The following NDUFA9 variants were observed in gnomAD, a reference collection of about 807,000 sequenced individuals.
The protein encoded by NDUFA9 is NADH dehydrogenase [ubiquinone] 1 alpha subcomplex subunit 9, mitochondrial.
NDUFA9 carries 23 observed loss-of-function variants against 45.9 expected under a neutral mutation model. The ratio of observed to expected loss-of-function variants is 0.50; its 90% CI spans 0.36 to 0.71. The LOEUF is 0.71. Among genes scored for constraint, NDUFA9 ranks in the 30% least tolerant of loss-of-function variants. The pLI is 0.00. For missense variants in NDUFA9, 466 were observed against 488.2 expected (o/e 0.95, Z 0.43); for synonymous variants, 176 against 170.5 (o/e 1.03, Z -0.25).
At chr12:4,685,915 A>T (rs1425389618) in intron 10 of NDUFA9, among the ~76,000 whole-genome samples, 1 of 152,188 alleles carries the variant, frequency 6.6e-6, no homozygotes, top group Non-Finnish European at 1.5e-5. Flanking sequence ...ACCTTGGAAG[A>T]CCTATGGACC....
At position 4,659,026 on chromosome 12, in the gene NDUFA9, TA is replaced by T. The variant is rs1440162591; in HGVS notation, c.411-9del. 1 of 1,609,520 alleles carries T rather than the reference TA, an allele frequency of 6.2e-7. No homozygotes were observed. The highest frequency in any genetic ancestry group is 1.1e-5 in the South Asian group (1 of 90,768). ...GTTCTTAACCAATCCTTTTATTTTT[TA>T]TCTTCCAGAAACTTTGATTTTGAGG... On this transcript the variant is annotated splice_polypyrimidine_tract_variant and intron_variant, in intron 4 of 10. Transcript: ENST00000266544.
chr12:4,668,675 A>G (rs1945867649), intron 7 of NDUFA9, 151 bp downstream of exon 7: 9 of 681,496 alleles, frequency 1.3e-5, no homozygotes, highest in South Asian at 3.6e-5. Context: ...CTTAAGAGGT[A>G]CATGCCTTCT....
intron 6 of NDUFA9, among the ~76,000 whole-genome samples, chr12:4,664,035 T>C (rs1270848776): frequency 6.6e-6 from 1 of 152,208 alleles, no homozygotes. Flanking sequence ...AGAAGATTTC[T>C]AAGTACAAAG....
At chr12:4,665,337 T>A (rs1945846877) in intron 6 of NDUFA9, among the ~76,000 whole-genome samples, 1 of 152,248 alleles carries the variant, frequency 6.6e-6, no homozygotes, top group African/African-American at 2.4e-5. Flanking sequence ...ATACAGTATT[T>A]GTCTTTTCGT....
chr12:4,653,876 A>T (rs1208124064), intron 1 of NDUFA9, among the ~76,000 whole-genome samples: 1 of 151,186 alleles, frequency 6.6e-6, no homozygotes, highest in Non-Finnish European at 1.5e-5. Context: ...TGTGTTCCTC[A>T]TGGGATTCTG....
chr12:4,680,945 A>C (rs1429083117), intron 8 of NDUFA9, among the ~76,000 whole-genome samples: 2 of 152,198 alleles, frequency 1.3e-5, no homozygotes, highest in African/African-American at 4.8e-5. Flanking sequence ...AATAGAGCGG[A>C]ACGTTCAGAA....
At chr12:4,659,567 T>C (rs915000543) in intron 5 of NDUFA9, among the ~76,000 whole-genome samples, 1 of 152,162 alleles carries the variant, frequency 6.6e-6, no homozygotes, top group African/African-American at 2.4e-5. Flanking sequence ...TTTGTGCCAC[T>C]CTTAAAGGGG....
At chr12:4,684,655 A>G (rs1382555545) in intron 9 of NDUFA9, among the ~76,000 whole-genome samples, 1 of 152,192 alleles carries the variant, frequency 6.6e-6, no homozygotes, top group African/African-American at 2.4e-5. Flanking sequence ...GAGGTAACTG[A>G]TGATGGGAGC....
At position 4,692,227 on chromosome 12, in the gene NDUFA9, C is replaced by T. The variant is rs7969935; in HGVS notation, c.*5119C>T. 29,879 of 151,976 alleles carry T rather than the reference C, an allele frequency of 0.2. 3,342 individuals carry two copies. The highest frequency in any genetic ancestry group is 0.45 in the East Asian group (2,338 of 5,164). The allele number at this position is 151,976 out of a possible 1,614,324, so 9.4% of individuals were successfully genotyped here. On this transcript the variant is annotated 3_prime_UTR_variant, in exon 11 of 11. Transcript: ENST00000266544. ...GTTGGAGTTGGGGCCTAGTGGGAGG[C>T]GATTAGATCATGGAGTAGATTTATC...
At chr12:4,652,818 GTTA>G (rs1565564167) in intron 1 of NDUFA9, among the ~76,000 whole-genome samples, 1 of 152,230 alleles carries the variant, frequency 6.6e-6, no homozygotes, top group Non-Finnish European at 1.5e-5. Flanking sequence ...TTATTATTTT[GTTA>G]TTATGATGTG....
chr12:4,654,883 C>T lies in NDUFA9; in HGVS notation c.279C>T (p.His93=). Residue 93 remains histidine, a synonymous_variant, in exon 3 of 11, where the codon CAC becomes CAT. Coordinates refer to ENST00000266544, the MANE Select transcript of NDUFA9 (RefSeq NM_005002.5). Reference sequence around the variant, plus strand: ...GGTGTGATAAATATGACATCATGCACCTTCGTCCCATGGGTGACCTGGGCC... The same window carrying T: ...GGTGTGATAAATATGACATCATGCATCTTCGTCCCATGGGTGACCTGGGCC... The part of the protein sequence containing the change: ...PYRCDKYDIM[H]LRPMGDLGQL... 4 of 1,613,890 alleles carry T rather than the reference C, an allele frequency of 2.5e-6. 1 individual carries two copies. Among genetic ancestry groups the T allele is most frequent in the Non-Finnish European group, 3.4e-6 (4 of 1,179,918 alleles).
rs1169126058 is a variant in NDUFA9 at position 4,688,957 on chromosome 12, T to G, written c.*1849T>G. 6.6e-6 allele frequency: 1 copy of G among 152,246 alleles called. No homozygotes were observed. The highest frequency in any genetic ancestry group is 2.4e-5 in the African/African-American group (1 of 41,452). 9.4% of individuals were successfully genotyped at this position (152,246 alleles called of 1,614,324 possible). A position where few individuals can be genotyped will look rare whatever the true frequency, so the allele number is the denominator to read the frequency against. On this transcript the variant is annotated 3_prime_UTR_variant, in exon 11 of 11. Coordinates refer to ENST00000266544, the MANE Select transcript of NDUFA9 (RefSeq NM_005002.5). ...TCTCTTAGAATATCTACACTTTCTT[T>G]CCTTTTTTTGATTCTTAAAAAAAAA... is the stretch of plus-strand genomic sequence containing the variant.
At chr12:4,649,324 TC>T in intron 1 of NDUFA9, 149 bp downstream of exon 1, 3 of 893,546 alleles carry the variant, frequency 3.4e-6, no homozygotes, top group Non-Finnish European at 5.2e-6. Flanking sequence ...GTCTGGTTTC[TC>T]CTTTCGCTTT....
At chr12:4,673,597 A>G (rs550465665) in intron 8 of NDUFA9, among the ~76,000 whole-genome samples, 1 of 139,992 alleles carries the variant, frequency 7.1e-6, no homozygotes, top group African/African-American at 2.6e-5. Context: ...GATTAACTCA[A>G]CGAAATAAAG....
intron 5 of NDUFA9, among the ~76,000 whole-genome samples, chr12:4,660,581 C>G (rs1443613892): frequency 6.6e-6 from 1 of 152,010 alleles, no homozygotes; most frequent in Admixed American, 6.5e-5. Context: ...CCAGAACATA[C>G]CAATGGTTAG....
chr12:4,652,721 G>A (rs1023000279), intron 1 of NDUFA9, among the ~76,000 whole-genome samples: 12 of 152,218 alleles, frequency 7.9e-5, no homozygotes, highest in African/African-American at 2.9e-4. Flanking sequence ...GATAAAGATA[G>A]CATTAAAAAA....
At chr12:4,686,470 C>G (rs1472980506) in intron 10 of NDUFA9, among the ~76,000 whole-genome samples, 1 of 150,256 alleles carries the variant, frequency 6.7e-6, no homozygotes, top group South Asian at 2.1e-4. Flanking sequence ...TGTGTTATCT[C>G]CTAAATTCAA....
rs1319417609 is a variant in NDUFA9 at position 4,687,062 on chromosome 12, C to G, written c.1088C>G (p.Ser363Cys). ...CGTCATCGCACTTACCGCTGGCTGT[C>G]TGCTGAAATTGAGGATGTGAAGCCG... ...LRRHRTYRWLSAEIEDVKPAK... is the reference protein window; with the variant it reads ...LRRHRTYRWLCAEIEDVKPAK... Residue 363 changes from serine to cysteine, a missense_variant, in exon 11 of 11, where the codon TCT becomes TGT. Coordinates refer to ENST00000266544, the MANE Select transcript of NDUFA9 (RefSeq NM_005002.5). The G allele has an allele frequency of 1.2e-6, 2 of 1,614,074 alleles. No homozygotes were observed. The highest frequency in any genetic ancestry group is 1.7e-6 in the Non-Finnish European group (2 of 1,180,050).
intron 8 of NDUFA9, among the ~76,000 whole-genome samples, chr12:4,675,330 A>C (rs780128964): frequency 2.0e-5 from 3 of 152,214 alleles, no homozygotes. Context: ...GCAGAACCGA[A>C]GGAGATAGAG....
Sources: allele counts gnomAD v4.1 joint callset (sites outside exome capture counted in the v4.1 genomes callset), GRCh38; gene constraint gnomAD v4.1.1; transcripts MANE v1.5; gene names NCBI Gene and HGNC (gene_info 2026-07-23, HGNC 2026-07-21).